The following ALKBH1 variants were observed in gnomAD, a reference collection of about 807,000 sequenced individuals.
The protein encoded by ALKBH1 is nucleic acid dioxygenase ALKBH1.
ALKBH1 carries 31 observed loss-of-function variants against 36.6 expected under a neutral mutation model. That is an observed-to-expected ratio of 0.85 (90% CI 0.64 to 1.14). The LOEUF is 1.14. Among genes scored for constraint, ALKBH1 ranks in the 50% most tolerant of loss-of-function variants. The pLI, the probability that ALKBH1 is intolerant of heterozygous loss-of-function variation, is 0.00. For synonymous variants in ALKBH1, 183 were observed against 186.6 expected (o/e 0.98, Z 0.16); for missense variants, 490 against 497.3 (o/e 0.99, Z 0.14).
intron 3 of ALKBH1, chr14:77,683,463 A>T: frequency 1.4e-6 from 1 of 733,564 alleles, no homozygotes; most frequent in Non-Finnish European, 2.5e-6. Flanking sequence ...CAACAATGCT[A>T]ACAGCATGCT....
intron 5 of ALKBH1, among the ~76,000 whole-genome samples, 174 bp from the exon 6 acceptor site, chr14:77,674,415 T>G (rs1382612382): frequency 6.6e-6 from 1 of 152,226 alleles, no homozygotes; most frequent in Non-Finnish European, 1.5e-5. Flanking sequence ...GGTTTGTGTC[T>G]ATGAGTGACC....
At chr14:77,692,203 A>C (rs1328208879) in intron 3 of ALKBH1, among the ~76,000 whole-genome samples, 1 of 152,216 alleles carries the variant, frequency 6.6e-6, no homozygotes, top group Non-Finnish European at 1.5e-5. Context: ...ACTATTCAAT[A>C]AGGAAAGAAC....
chr14:77,690,274 T>C (rs1356762745), intron 3 of ALKBH1, among the ~76,000 whole-genome samples: 2 of 152,360 alleles, frequency 1.3e-5, no homozygotes, highest in East Asian at 3.9e-4. Flanking sequence ...GTAGGAATGG[T>C]AGGAAATGAG....
At chr14:77,674,812 A>G (rs2080196239) in intron 5 of ALKBH1, among the ~76,000 whole-genome samples, 1 of 152,184 alleles carries the variant, frequency 6.6e-6, no homozygotes. Context: ...TCGGCCTCCC[A>G]AAGTACTGGG....
At chr14:77,706,853 C>T (rs2080395335) in intron 1 of ALKBH1, among the ~76,000 whole-genome samples, 1 of 152,104 alleles carries the variant, frequency 6.6e-6, no homozygotes, top group African/African-American at 2.4e-5. Flanking sequence ...CAATCATTAA[C>T]ACTTAATACT....
intron 3 of ALKBH1, chr14:77,683,582 T>G: frequency 2.2e-6 from 1 of 458,328 alleles, no homozygotes; most frequent in Non-Finnish European, 4.1e-6. Flanking sequence ...TCATCCTCCT[T>G]TTTTTTTGAG....
chr14:77,705,549 T>C lies in ALKBH1; in HGVS notation c.184-1072A>G, dbSNP rs75758401. Among the ~76,000 whole-genome samples, 145 of 152,224 alleles carry C rather than the reference T, an allele frequency of 9.5e-4. 1 individual carries two copies. The East Asian group carries it at 0.024, about 25-fold the overall frequency. On this transcript the variant is annotated intron_variant, in intron 1 of 5. Coordinates refer to ENST00000216489, the MANE Select transcript of ALKBH1 (RefSeq NM_006020.3). ...CCTGTTTGCCCTCTTCTAGATGAAA[T>C]GTCCAACTGACGCTACAACTTCTGC... is the stretch of plus-strand genomic sequence containing the variant.
At chr14:77,706,320 CATG>C (rs2139869745) in intron 1 of ALKBH1, among the ~76,000 whole-genome samples, 1 of 152,190 alleles carries the variant, frequency 6.6e-6, no homozygotes, top group South Asian at 2.1e-4. Flanking sequence ...AGCATTTTGT[CATG>C]ATTTCTTTAA....
intron 3 of ALKBH1, among the ~76,000 whole-genome samples, chr14:77,680,675 CTCTT>C (rs770312674): frequency 3.6e-5 from 2 of 56,122 alleles, no homozygotes; most frequent in East Asian, 4.0e-4. Flanking sequence ...TGATTAACTA[CTCTT>C]TTTTTTTTTT....
intron 3 of ALKBH1, chr14:77,683,921 A>T: frequency 6.6e-6 from 1 of 152,558 alleles, no homozygotes. Context: ...CAAAGGAAAA[A>T]CTCCGTTTTC....
At chr14:77,704,236 G>A (rs2139867709) in intron 2 of ALKBH1, 133 bp downstream of exon 2, 1 of 699,642 alleles carries the variant, frequency 1.4e-6, no homozygotes, top group African/African-American at 1.8e-5. Context: ...AATGGGTTTG[G>A]AAATGAAACA....
chr14:77,704,349 C>T lies in ALKBH1; in HGVS notation c.292+20G>A, dbSNP rs2080376343. ...AAATGATTGAGTGATATTGCCTTCTCTGAGGTCAGTTACACTCACCAGGAT... is the reference window on the plus strand; with the variant it reads ...AAATGATTGAGTGATATTGCCTTCTTTGAGGTCAGTTACACTCACCAGGAT... On this transcript the variant is annotated intron_variant, in intron 2 of 5. Coordinates refer to ENST00000216489, the MANE Select transcript of ALKBH1 (RefSeq NM_006020.3). The T allele has an allele frequency of 6.4e-7, 1 of 1,561,784 alleles. No individual in the cohort carries two copies. Among genetic ancestry groups the T allele is most frequent in the African/African-American group, 1.4e-5 (1 of 73,916 alleles).
At chr14:77,691,020 C>T (rs1390238193) in intron 3 of ALKBH1, among the ~76,000 whole-genome samples, 1 of 152,080 alleles carries the variant, frequency 6.6e-6, no homozygotes, top group Non-Finnish European at 1.5e-5. Flanking sequence ...AGGCTGGTCT[C>T]GAACTCCTGA....
In ALKBH1 at chr14:77,690,578, T is replaced by A. The variant is rs143196296; in HGVS notation, c.455+4160A>T. Reference sequence around the variant, plus strand: ...ATGGCAGCTTAGACCAAGGCAGTTGTGATGGAGATGGTGAGAAATGACTGA... The same window carrying A: ...ATGGCAGCTTAGACCAAGGCAGTTGAGATGGAGATGGTGAGAAATGACTGA... On this transcript the variant is annotated intron_variant, in intron 3 of 5. Coordinates refer to ENST00000216489, the MANE Select transcript of ALKBH1 (RefSeq NM_006020.3). Among the ~76,000 whole-genome samples the A allele has an allele frequency of 6.6e-5, 10 of 152,260 alleles. No homozygotes were observed. In the East Asian group the frequency reaches 1.9e-3, roughly 29 times the overall value.
intron 2 of ALKBH1, among the ~76,000 whole-genome samples, chr14:77,695,797 T>A (rs2080323597): frequency 6.6e-6 from 1 of 152,194 alleles, no homozygotes; most frequent in Non-Finnish European, 1.5e-5. Context: ...TTTTTCTCTG[T>A]AAAAGATTAA....
intron 3 of ALKBH1, chr14:77,683,655 T>C: frequency 4.0e-6 from 1 of 251,634 alleles, no homozygotes; most frequent in Non-Finnish European, 7.7e-6. Context: ...CACCGCAGCC[T>C]CCACCTCCCA....
At chr14:77,677,256 T>C (rs546970706) in intron 4 of ALKBH1, among the ~76,000 whole-genome samples, 1 of 152,172 alleles carries the variant, frequency 6.6e-6, no homozygotes, top group Admixed American at 6.5e-5. Flanking sequence ...GCCAGGGTGG[T>C]CTTGAACTTC....
At chr14:77,703,658 C>G (rs572481054) in intron 2 of ALKBH1, among the ~76,000 whole-genome samples, 2 of 137,328 alleles carry the variant, frequency 1.5e-5, no homozygotes, top group African/African-American at 5.6e-5. Flanking sequence ...AGTGCAATGG[C>G]GCGATCTTGG....
intron 2 of ALKBH1, among the ~76,000 whole-genome samples, chr14:77,700,366 C>T (rs72685278): frequency 3.3e-5 from 5 of 152,258 alleles, no homozygotes; most frequent in Non-Finnish European, 7.4e-5. Flanking sequence ...TAATCCTGTT[C>T]CACCATTTAA....
Sources: allele counts gnomAD v4.1 joint callset (sites outside exome capture counted in the v4.1 genomes callset), GRCh38; gene constraint gnomAD v4.1.1; transcripts MANE v1.5; gene names NCBI Gene and HGNC (gene_info 2026-07-23, HGNC 2026-07-21).